Variants in LDB2 observed in about 807,000 individuals in gnomAD.
LDB2 encodes the protein LIM domain binding 2.
In LDB2, 12 loss-of-function variants were observed where a neutral mutation model predicts 44.3. The ratio of observed to expected loss-of-function variants is 0.27; its 90% CI spans 0.17 to 0.44. The LOEUF is 0.44. Ranked by LOEUF, LDB2 falls within the 20% of genes least tolerant of loss-of-function variation. The pLI is 1.00. For missense variants in LDB2, 344 were observed against 473.5 expected (o/e 0.73, Z 2.54); for synonymous variants, 164 against 174.8 (o/e 0.94, Z 0.49).
rs549902870 is a variant in LDB2, at chr4:16,676,158, T to C, written c.236-80283A>G. 9.2e-5 allele frequency among the ~76,000 whole-genome samples: 14 copies of C among 152,354 alleles called. No individual in the cohort carries two copies. The South Asian group carries it at 1.9e-3, about 20-fold the overall frequency. On this transcript the variant is annotated intron_variant, in intron 2 of 7. Coordinates refer to ENST00000304523, the MANE Select transcript of LDB2 (RefSeq NM_001290.5). The stretch of plus-strand genomic sequence containing the variant: ...GCGTGGAGGAGAGGTTGTGTGTGTG[T>C]GTGCATTTGTGTGTTAAAGCACTTC...
At chr4:16,734,672 G>A (rs2458762) in intron 2 of LDB2, among the ~76,000 whole-genome samples, 3 of 150,626 alleles carry the variant, frequency 2.0e-5, no homozygotes, top group African/African-American at 7.3e-5. Context: ...AGATGAGGAA[G>A]AGCTGCTGCT....
intron 2 of LDB2, among the ~76,000 whole-genome samples, chr4:16,670,897 C>T (rs1744564740): frequency 6.6e-6 from 1 of 152,088 alleles, no homozygotes; most frequent in Non-Finnish European, 1.5e-5. Context: ...AAGAGCCTTG[C>T]ATGGATTATC....
chr4:16,682,849 G>T (rs1290993378), intron 2 of LDB2, among the ~76,000 whole-genome samples: 1 of 152,218 alleles, frequency 6.6e-6, no homozygotes, highest in African/African-American at 2.4e-5. Flanking sequence ...CAACCAAGAT[G>T]GGAAACAGCG....
intron 2 of LDB2, among the ~76,000 whole-genome samples, chr4:16,748,146 C>T (rs1250211082): frequency 6.6e-6 from 1 of 152,056 alleles, no homozygotes; most frequent in Non-Finnish European, 1.5e-5. Flanking sequence ...CCCAGGTGAC[C>T]TTATGTCCTC....
chr4:16,607,005 C>T (rs1724132095), intron 2 of LDB2, among the ~76,000 whole-genome samples: 2 of 152,142 alleles, frequency 1.3e-5, no homozygotes, highest in African/African-American at 4.8e-5. Flanking sequence ...GAGGTGATTT[C>T]CTTTCTGTAG....
intron 2 of LDB2, among the ~76,000 whole-genome samples, chr4:16,753,602 T>C (rs1356540427): frequency 6.6e-6 from 1 of 152,224 alleles, no homozygotes; most frequent in African/African-American, 2.4e-5. Flanking sequence ...CAGAGAGTGA[T>C]GACATTTCTT....
intron 3 of LDB2, among the ~76,000 whole-genome samples, chr4:16,590,525 T>G (rs778981958): frequency 2.0e-5 from 3 of 152,232 alleles, no homozygotes; most frequent in Non-Finnish European, 4.4e-5. Context: ...AGCACTGGGT[T>G]GGGTGCATTC....
rs1184206450 is a variant in LDB2 at position 16,582,651 on chromosome 4, G to A, written c.615+3271C>T. 1.3e-5 allele frequency among the ~76,000 whole-genome samples: 2 copies of A among 152,168 alleles called. No homozygotes were observed. Among genetic ancestry groups the A allele is most frequent in the Non-Finnish European group, 2.9e-5 (2 of 68,038 alleles). On this transcript the variant is annotated intron_variant, in intron 5 of 7. Transcript: ENST00000304523. The surrounding 1 kb of genome is among the most constrained non-coding windows in gnomAD (Gnocchi z 4.8). The stretch of plus-strand genomic sequence containing the variant: ...AAAATAATGACTTCCCCATCCTGCA[G>A]GTCCCTTCCCAGCTCTGGCTTGGAT...
intron 2 of LDB2, among the ~76,000 whole-genome samples, chr4:16,607,510 C>G (rs983169154): frequency 2.0e-5 from 3 of 152,250 alleles, no homozygotes; most frequent in Admixed American, 1.3e-4. Flanking sequence ...GATTTATGCT[C>G]TCTAAACCCT....
chr4:16,556,990 C>A lies in LDB2; in HGVS notation c.615+28932G>T, dbSNP rs568401257. On this transcript the variant is annotated intron_variant, in intron 5 of 7. Coordinates refer to ENST00000304523, the MANE Select transcript of LDB2 (RefSeq NM_001290.5). ...ATCTATGTGTTGATATTATCATATC[C>A]ACAGATTATTCTAGAGAGTCATATT... Among the ~76,000 whole-genome samples the A allele has an allele frequency of 3.3e-5, 5 of 152,094 alleles. No homozygotes were observed. The South Asian group carries it at 1.0e-3, about 32-fold the overall frequency.
intron 1 of LDB2, among the ~76,000 whole-genome samples, chr4:16,804,687 GA>G (rs1228743988): frequency 6.6e-6 from 1 of 152,180 alleles, no homozygotes; most frequent in East Asian, 1.9e-4. Flanking sequence ...GCTTTCAATG[GA>G]AAAAGGGCAG....
At chr4:16,680,751 T>C (rs1578730022) in intron 2 of LDB2, among the ~76,000 whole-genome samples, 1 of 152,116 alleles carries the variant, frequency 6.6e-6, no homozygotes, top group Non-Finnish European at 1.5e-5. Context: ...GCACAGTATA[T>C]AGAACTGGGG....
At chr4:16,632,050 A>C (rs970070118) in intron 2 of LDB2, among the ~76,000 whole-genome samples, 24 of 152,340 alleles carry the variant, frequency 1.6e-4, no homozygotes, top group African/African-American at 5.8e-4. Context: ...TATTCCAATC[A>C]ATAGAAAAAG....
chr4:16,530,676 A>C (rs1729840436), intron 5 of LDB2, among the ~76,000 whole-genome samples: 1 of 152,200 alleles, frequency 6.6e-6, no homozygotes, highest in South Asian at 2.1e-4. Context: ...GCTTTCTTTG[A>C]GGTACAGAAC....
At chr4:16,869,825 A>G (rs541098005) in intron 1 of LDB2, among the ~76,000 whole-genome samples, 42 of 152,302 alleles carry the variant, frequency 2.8e-4, no homozygotes, top group African/African-American at 9.1e-4. Flanking sequence ...TTCCATCTTA[A>G]GTATTTGAGG....
rs546327364 is a variant in LDB2 at position 16,561,745 on chromosome 4, A to G, written c.615+24177T>C. 4.5e-4 allele frequency among the ~76,000 whole-genome samples: 68 copies of G among 152,350 alleles called. 1 individual carries two copies. In the East Asian group the frequency reaches 0.013, roughly 29 times the overall value. On this transcript the variant is annotated intron_variant, in intron 5 of 7. Transcript: ENST00000304523. ...TTTAAAGTTCACATGGAACCAAAAA[A>G]GAGCCCGCATCGCCAAGTCAATCCT...
intron 1 of LDB2, among the ~76,000 whole-genome samples, chr4:16,799,232 T>G (rs952422475): frequency 1.2e-4 from 18 of 152,322 alleles, no homozygotes; most frequent in South Asian, 6.2e-4. Context: ...ACATGAATGA[T>G]GCAATCCTGT....
chr4:16,589,924 A>G (rs1578038857), intron 3 of LDB2, among the ~76,000 whole-genome samples: 1 of 152,350 alleles, frequency 6.6e-6, no homozygotes, highest in East Asian at 1.9e-4. Flanking sequence ...TAAAATGGAA[A>G]TAGAAATATC....
At chr4:16,886,497 T>C (rs1248429165) in intron 1 of LDB2, among the ~76,000 whole-genome samples, 1 of 152,176 alleles carries the variant, frequency 6.6e-6, no homozygotes, top group Non-Finnish European at 1.5e-5. Context: ...TATACTAACA[T>C]GTTCACAGCA....
Sources: allele counts gnomAD v4.1 joint callset (sites outside exome capture counted in the v4.1 genomes callset), GRCh38; gene constraint gnomAD v4.1.1; non-coding constraint Gnocchi (gnomAD v3.1); transcripts MANE v1.5; gene names NCBI Gene and HGNC (gene_info 2026-07-23, HGNC 2026-07-21).